The following KCNAB1 variants were observed in gnomAD, a reference collection of about 807,000 sequenced individuals.
The protein encoded by KCNAB1 is voltage-gated potassium channel subunit beta-1.
In KCNAB1, 35 loss-of-function variants were observed where a neutral mutation model predicts 64.6. That is an observed-to-expected ratio of 0.54 (90% CI 0.41 to 0.72). KCNAB1 has a LOEUF of 0.72. Ranked by LOEUF, KCNAB1 falls within the 30% of genes least tolerant of loss-of-function variation. The pLI is 0.00. For synonymous variants in KCNAB1, 177 were observed against 183.8 expected (o/e 0.96, Z 0.30); for missense variants, 401 against 512.9 (o/e 0.78, Z 2.11).
intron 1 of KCNAB1, among the ~76,000 whole-genome samples, chr3:156,175,597 G>A (rs536210217): frequency 1.3e-5 from 2 of 152,354 alleles, no homozygotes; most frequent in Non-Finnish European, 2.9e-5. Flanking sequence ...CAGCCTGGGT[G>A]ATAGAGCGAG....
intron 1 of KCNAB1, among the ~76,000 whole-genome samples, chr3:156,282,232 T>A (rs1264184031): frequency 6.7e-6 from 1 of 149,516 alleles, no homozygotes; most frequent in African/African-American, 2.5e-5. Context: ...TACCCAGTAG[T>A]CATTCAGGAG....
intron 8 of KCNAB1, 90 bp downstream of exon 8, chr3:156,474,910 G>T (rs1459595910): frequency 1.9e-6 from 2 of 1,036,332 alleles, no homozygotes; most frequent in Non-Finnish European, 1.5e-6. Flanking sequence ...ATTGTATTCA[G>T]ACTGATCAAA....
At chr3:156,293,996 C>G (rs1720627140) in intron 1 of KCNAB1, among the ~76,000 whole-genome samples, 1 of 152,200 alleles carries the variant, frequency 6.6e-6, no homozygotes. Flanking sequence ...TATGAACTTT[C>G]TTTTTGTAAA....
chr3:156,494,816 C>A (rs1401376429), intron 8 of KCNAB1, among the ~76,000 whole-genome samples: 1 of 152,146 alleles, frequency 6.6e-6, no homozygotes, highest in Non-Finnish European at 1.5e-5. Context: ...TCTGTCAAAG[C>A]CTCTTGATCT....
chr3:156,474,802 A>G lies in KCNAB1; in HGVS notation c.640A>G (p.Ser214Gly), dbSNP rs779264561. 2 of 1,612,930 alleles carry G rather than the reference A, an allele frequency of 1.2e-6. No homozygotes were observed. Among genetic ancestry groups the G allele is most frequent in the Non-Finnish European group, 1.7e-6 (2 of 1,179,066 alleles). Residue 214 changes from serine (S) to glycine (G), a missense_variant, in exon 8 of 14, where the codon AGT becomes GGT. By Grantham distance (56) the Ser-to-Gly change is moderately conservative (BLOSUM62 0). Transcript: ENST00000490337. The part of the protein sequence containing the change: ...VDVVFANRPD[S>G]NTPMEEIVRA... ...TGTGGTCTTTGCAAATCGACCGGAC[A>G]GTAACACTCCCATGGAAGGTAAGTT... is the stretch of plus-strand genomic sequence containing the variant.
At chr3:156,400,418 T>C (rs920272256) in intron 1 of KCNAB1, among the ~76,000 whole-genome samples, 1 of 152,196 alleles carries the variant, frequency 6.6e-6, no homozygotes, top group Non-Finnish European at 1.5e-5. Flanking sequence ...TGCCTCCTAA[T>C]TGATCTCCCT....
At chr3:156,402,387 A>G (rs944136557) in intron 1 of KCNAB1, among the ~76,000 whole-genome samples, 3 of 152,210 alleles carry the variant, frequency 2.0e-5, no homozygotes, top group African/African-American at 7.2e-5. Context: ...TTGTAAACAT[A>G]TACTTTTGGC....
At chr3:156,137,021 CT>C (rs113182501) in intron 1 of KCNAB1, among the ~76,000 whole-genome samples, 12 of 149,070 alleles carry the variant, frequency 8.0e-5, no homozygotes, top group Non-Finnish European at 1.2e-4. Flanking sequence ...TCATTTTTTT[CT>C]TTTTTTTTTA....
At chr3:156,318,915 C>G (rs1722474787) in intron 1 of KCNAB1, among the ~76,000 whole-genome samples, 1 of 152,230 alleles carries the variant, frequency 6.6e-6, no homozygotes, top group African/African-American at 2.4e-5. Context: ...AAGGGTCACA[C>G]AGATGATTAG....
Position 156,374,653 on chromosome 3 carries a change from C to T in KCNAB1, c.276-46963C>T, listed in dbSNP as rs919798990. The stretch of plus-strand genomic sequence containing the variant: ...GCTTCACCTTTGCCCTTCCCACTAG[C>T]GAGAGGTGGTAGAATGCAGAGGTGA... On this transcript the variant is annotated intron_variant, in intron 1 of 13. Transcript: ENST00000490337. Among the ~76,000 whole-genome samples the T allele has an allele frequency of 9.7e-5, 13 of 134,652 alleles. 3 individuals carry two copies. In the South Asian group the frequency reaches 1.6e-3, roughly 16 times the overall value. 88.3% of individuals were successfully genotyped at this position (134,652 alleles called of 152,430 possible).
intron 2 of KCNAB1, among the ~76,000 whole-genome samples, chr3:156,449,297 T>C (rs1298170908): frequency 6.6e-6 from 1 of 152,228 alleles, no homozygotes; most frequent in Non-Finnish European, 1.5e-5. Context: ...TACCAAAACA[T>C]GTTTCAGGCC....
chr3:156,290,202 T>A (rs1450363991), intron 1 of KCNAB1, among the ~76,000 whole-genome samples: 1 of 152,218 alleles, frequency 6.6e-6, no homozygotes, highest in East Asian at 1.9e-4. Flanking sequence ...ACATTGTTAG[T>A]CAGACCCTTT....
chr3:156,524,746 C>CAAAAAAA (rs10553136), intron 12 of KCNAB1, among the ~76,000 whole-genome samples: 9 of 74,458 alleles, frequency 1.2e-4, no homozygotes, highest in Non-Finnish European at 1.6e-4. Flanking sequence ...GACTCCATCT[C>CAAAAAAA]AAAAAAAAAA....
intron 1 of KCNAB1, among the ~76,000 whole-genome samples, chr3:156,195,081 C>A (rs1162914297): frequency 6.6e-6 from 1 of 152,156 alleles, no homozygotes; most frequent in Non-Finnish European, 1.5e-5. Flanking sequence ...TGATGGTTTC[C>A]AGCTTCATCC....
At chr3:156,215,148 G>T (rs932836106) in intron 1 of KCNAB1, among the ~76,000 whole-genome samples, 1 of 152,108 alleles carries the variant, frequency 6.6e-6, no homozygotes, top group African/African-American at 2.4e-5. Context: ...TGAGAAGTAG[G>T]GACTATTAGC....
intron 2 of KCNAB1, among the ~76,000 whole-genome samples, chr3:156,434,752 A>C (rs1273526008): frequency 3.9e-5 from 6 of 152,226 alleles, no homozygotes; most frequent in Non-Finnish European, 7.3e-5. Context: ...AAGGCAAAGA[A>C]AAGACAGTAA....
intron 1 of KCNAB1, among the ~76,000 whole-genome samples, chr3:156,219,921 T>C (rs928957997): frequency 2.0e-5 from 3 of 150,236 alleles, no homozygotes; most frequent in Non-Finnish European, 4.4e-5. Flanking sequence ...CCTGTGTCCA[T>C]GTGTTCTCAT....
intron 1 of KCNAB1, among the ~76,000 whole-genome samples, chr3:156,389,176 T>C (rs1253870315): frequency 1.3e-5 from 2 of 152,180 alleles, no homozygotes; most frequent in African/African-American, 4.8e-5. Context: ...CTCACTTGGC[T>C]CAGAGAATTC....
At chr3:156,312,719 A>AAAAAAAAAAAAAAAAAAAAAAAAAAAT (rs1722002229) in intron 1 of KCNAB1, among the ~76,000 whole-genome samples, 1 of 150,832 alleles carries the variant, frequency 6.6e-6, no homozygotes, top group Non-Finnish European at 1.5e-5. Context: ...AAAAAAAAAA[A>AAAAAAAAAAAAAAAAAAAAAAAAAAAT]AAAAAAAAAA....
Sources: allele counts gnomAD v4.1 joint callset (sites outside exome capture counted in the v4.1 genomes callset), GRCh38; gene constraint gnomAD v4.1.1; transcripts MANE v1.5; gene names NCBI Gene and HGNC (gene_info 2026-07-23, HGNC 2026-07-21).